Variants in AANAT observed in about 807,000 individuals in gnomAD.
AANAT encodes serotonin N-acetyltransferase.
AANAT carries 11 observed loss-of-function variants against 15.6 expected under a neutral mutation model. That is an observed-to-expected ratio of 0.71 (90% CI 0.44 to 1.17). The LOEUF (loss-of-function observed/expected upper bound fraction) is 1.17, where lower values mean the gene tolerates loss of function less well. Among genes scored for constraint, AANAT ranks in the 50% most tolerant of loss-of-function variants. AANAT has a pLI of 0.00. For missense variants in AANAT, 286 were observed against 296.3 expected (o/e 0.97, Z 0.26); for synonymous variants, 139 against 131.5 (o/e 1.06, Z -0.39).
upstream of AANAT, chr17:76,465,993 C>T (rs995436462): frequency 9.8e-6 from 6 of 614,048 alleles, no homozygotes; most frequent in South Asian, 5.2e-5. Flanking sequence ...GGGATTACAG[C>T]GGTGAGCCAC....
upstream of AANAT, chr17:76,466,216 G>C (rs1412975860): frequency 1.3e-6 from 2 of 1,535,460 alleles, no homozygotes; most frequent in East Asian, 2.4e-5. Flanking sequence ...CCTTTTGGGG[G>C]ACCCTGGAGG....
upstream of AANAT, among the ~76,000 whole-genome samples, chr17:76,465,656 T>C (rs1230763346): frequency 6.6e-6 from 1 of 151,780 alleles, no homozygotes; most frequent in East Asian, 1.9e-4. Flanking sequence ...TCCTTCTCTC[T>C]GTACCCATCA....
intron 1 of AANAT, chr17:76,459,206 A>G (rs2073365237): frequency 6.6e-6 from 1 of 152,244 alleles, no homozygotes; most frequent in African/African-American, 2.4e-5. Flanking sequence ...TAGTGACAGC[A>G]TAGGATCACC....
Position 76,469,575 on chromosome 17 carries a change from G to A in AANAT, c.319-90G>A, listed in dbSNP as rs982330744. Reference sequence around the variant, plus strand: ...GGGTGCCCTGACCACAGGCACCCAGGGGACACCTGCTCCCTGCCTGGGTTG... The same window carrying A: ...GGGTGCCCTGACCACAGGCACCCAGAGGACACCTGCTCCCTGCCTGGGTTG... On this transcript the variant is annotated intron_variant, in intron 3 of 3. Coordinates refer to ENST00000392492, the MANE Select transcript of AANAT (RefSeq NM_001088.3). The surrounding 1 kb of genome is among the most constrained non-coding windows in gnomAD (Gnocchi z 5.2). The A allele has an allele frequency of 2.2e-5, 30 of 1,388,290 alleles. No individual in the cohort carries two copies. The highest frequency in any genetic ancestry group is 1.6e-4 in the African/African-American group (11 of 68,620). The allele number at this position is 1,388,290 out of a possible 1,614,324, so 86.0% of individuals were successfully genotyped here.
upstream of AANAT, among the ~76,000 whole-genome samples, chr17:76,464,977 A>T (rs1354728929): frequency 6.6e-6 from 1 of 151,402 alleles, no homozygotes; most frequent in East Asian, 2.0e-4. Flanking sequence ...TTGTATTTTT[A>T]GTAGAGACGG....
At chr17:76,466,284 C>A, upstream of AANAT, 1 of 1,461,060 alleles carries the variant, frequency 6.8e-7, no homozygotes, top group Non-Finnish European at 9.1e-7. Context: ...CAACCAAGCC[C>A]AAGGAGGTCT....
chr17:76,454,972 C>T (rs867298584), intron 1 of AANAT, among the ~76,000 whole-genome samples: 3 of 150,214 alleles, frequency 2.0e-5, no homozygotes, highest in Non-Finnish European at 3.0e-5. Context: ...ACTAAAAATA[C>T]AAAAATTAGC....
intron 2 of AANAT, among the ~76,000 whole-genome samples, chr17:76,461,401 T>C (rs139189057): frequency 6.7e-6 from 1 of 150,064 alleles, no homozygotes; most frequent in Non-Finnish European, 1.5e-5. Flanking sequence ...ACTGACTGTC[T>C]GTAAGGGGCA....
At chr17:76,460,129 AATTTTTTTTTT>A (rs2073373649) in intron 2 of AANAT, among the ~76,000 whole-genome samples, 9 of 82,926 alleles carry the variant, frequency 1.1e-4, no homozygotes, top group African/African-American at 3.1e-4. Context: ...TACTTCAGGA[AATTTTTTTTTT>A]TTTTTTTTTT....
exon 1 of AANAT, chr17:76,453,614 C>A: frequency 6.5e-6 from 1 of 154,468 alleles, no homozygotes; most frequent in Non-Finnish European, 1.4e-5. Flanking sequence ...GTTGGGGAGA[C>A]AAAACAAATA....
At chr17:76,457,187 C>A (rs2073350010) in intron 1 of AANAT, among the ~76,000 whole-genome samples, 1 of 152,148 alleles carries the variant, frequency 6.6e-6, no homozygotes, top group African/African-American at 2.4e-5. Context: ...GGATTACAGG[C>A]GCCCACCACC....
At chr17:76,457,778 G>A (rs867524441) in intron 1 of AANAT, among the ~76,000 whole-genome samples, 1 of 152,198 alleles carries the variant, frequency 6.6e-6, no homozygotes, top group Non-Finnish European at 1.5e-5. Flanking sequence ...AGTGGCTCAC[G>A]CCTGTAATCC....
upstream of AANAT, among the ~76,000 whole-genome samples, chr17:76,466,428 C>T (rs1322755845): frequency 2.0e-5 from 3 of 151,874 alleles, no homozygotes; most frequent in Admixed American, 1.3e-4. Flanking sequence ...GGCATCGGGA[C>T]GGGGTCACTC....
intron 1 of AANAT, chr17:76,459,143 A>T (rs1195323777): frequency 2.0e-5 from 3 of 152,286 alleles, no homozygotes; most frequent in African/African-American, 7.2e-5. Context: ...GGTGGGTTGC[A>T]ATCCACTGGG....
At chr17:76,462,905 C>T (rs1180362371), upstream of AANAT, among the ~76,000 whole-genome samples, 1 of 152,224 alleles carries the variant, frequency 6.6e-6, no homozygotes, top group Non-Finnish European at 1.5e-5. Flanking sequence ...TCAGAGGCAT[C>T]GTCAAGGTGT....
upstream of AANAT, chr17:76,465,889 G>T: frequency 2.5e-6 from 1 of 405,898 alleles, no homozygotes; most frequent in Non-Finnish European, 4.6e-6. Context: ...ACAGGGTCTC[G>T]CTCTGTCGCC....
In AANAT at chr17:76,469,260, G is replaced by C; in HGVS notation, c.251G>C (p.Trp84Ser). 2 of 1,614,184 alleles carry C rather than the reference G, an allele frequency of 1.2e-6. No individual in the cohort carries two copies. Among genetic ancestry groups the C allele is most frequent in the Non-Finnish European group, 1.7e-6 (2 of 1,180,036 alleles). Residue 84 changes from tryptophan to serine, a missense_variant, in exon 3 of 4, where the codon TGG becomes TCG. By Grantham distance (177) the Trp-to-Ser change is radical (BLOSUM62 -3). Transcript: ENST00000392492. The surrounding 1 kb of genome is among the most constrained non-coding windows in gnomAD (Gnocchi z 5.2). The stretch of plus-strand genomic sequence containing the variant: ...CTATGTCCAGAGCTGTCCCTGGGCT[G>C]GTTCGAGGAGGGCTGCCTTGTGGCC... ...LTLCPELSLG[W>S]FEEGCLVAFI...
intron 2 of AANAT, among the ~76,000 whole-genome samples, chr17:76,460,285 A>T (rs2073376545): frequency 6.6e-6 from 1 of 151,508 alleles, no homozygotes; most frequent in Non-Finnish European, 1.5e-5. Flanking sequence ...AGTAGCTGGG[A>T]TTACAAATGC....
At position 76,470,093 on chromosome 17, in the gene AANAT, G is replaced by A; in HGVS notation, c.*123G>A. On this transcript the variant is annotated 3_prime_UTR_variant, in exon 4 of 4. Transcript: ENST00000392492. ...AGAGAGCAGGGCTAAATAAAGAGGA[G>A]ATAAGGTGGCTTCTCACGGCCTGAG... 1 of 1,132,748 alleles carries A rather than the reference G, an allele frequency of 8.8e-7. No homozygotes were observed. The highest frequency in any genetic ancestry group is 1.2e-6 in the Non-Finnish European group (1 of 842,632). 70.2% of individuals were successfully genotyped at this position (1,132,748 alleles called of 1,614,324 possible). A position where few individuals can be genotyped will look rare whatever the true frequency, so the allele number is the denominator to read the frequency against.
Sources: gnomAD v4.1 joint callset for allele counts (sites outside exome capture counted in the v4.1 genomes callset) on GRCh38, gnomAD v4.1.1 for gene constraint, Gnocchi (gnomAD v3.1) non-coding constraint, MANE v1.5 for transcripts, NCBI Gene and HGNC (gene_info 2026-07-23, HGNC 2026-07-21) for gene names.